Variants in ADGRL2 observed in about 807,000 individuals in gnomAD.
ADGRL2 encodes the protein calcium-independent alpha-latrotoxin receptor 2.
ADGRL2 carries 44 observed loss-of-function variants against 157.4 expected under a neutral mutation model. That is an observed-to-expected ratio of 0.28 (90% CI 0.22 to 0.36). The LOEUF is 0.36. Ranked by LOEUF, ADGRL2 falls within the 10% of genes least tolerant of loss-of-function variation. ADGRL2 has a pLI of 1.00. For synonymous variants in ADGRL2, 585 were observed against 624.7 expected, an observed-to-expected ratio of 0.94 and a Z score of 0.95; for missense variants, 1,510 against 1,768.9, an observed-to-expected ratio of 0.85 and a Z score of 2.63.
chr1:81,423,608 C>A (rs1487315853), intron 1 of ADGRL2, among the ~76,000 whole-genome samples: 2 of 152,250 alleles, frequency 1.3e-5, no homozygotes, highest in East Asian at 1.9e-4. Context: ...TTGTTCAGCC[C>A]ATTTTTCGAC....
chr1:81,627,493 A>G (rs1323305303), intron 3 of ADGRL2, among the ~76,000 whole-genome samples: 2 of 152,214 alleles, frequency 1.3e-5, no homozygotes, highest in African/African-American at 2.4e-5. Context: ...AGAGTTTACT[A>G]TGTGCCAAGT....
chr1:81,506,450 T>C (rs1377051205), intron 2 of ADGRL2, among the ~76,000 whole-genome samples: 2 of 152,128 alleles, frequency 1.3e-5, no homozygotes, highest in African/African-American at 2.4e-5. Context: ...GTATCAAACC[T>C]GTAATCCCAG....
intron 2 of ADGRL2, among the ~76,000 whole-genome samples, chr1:81,875,040 A>G (rs1230047952): frequency 6.6e-6 from 1 of 152,082 alleles, no homozygotes; most frequent in Non-Finnish European, 1.5e-5. Flanking sequence ...TTGTGCTGCC[A>G]GAGGAAAAAT....
intron 2 of ADGRL2, among the ~76,000 whole-genome samples, chr1:81,454,869 C>T (rs2077771689): frequency 6.6e-6 from 1 of 152,170 alleles, no homozygotes; most frequent in African/African-American, 2.4e-5. Context: ...ATTTTAAAGC[C>T]TGTGCCGTTC....
intron 2 of ADGRL2, among the ~76,000 whole-genome samples, chr1:81,539,540 G>A (rs2079831680): frequency 6.6e-6 from 1 of 152,146 alleles, no homozygotes; most frequent in Admixed American, 6.5e-5. Flanking sequence ...TCTTAGGACA[G>A]CATTTCACTT....
At chr1:81,644,188 C>T (rs917742903) in intron 3 of ADGRL2, among the ~76,000 whole-genome samples, 3 of 152,070 alleles carry the variant, frequency 2.0e-5, no homozygotes, top group African/African-American at 7.2e-5. Flanking sequence ...TAAATGTAAA[C>T]CCAGAGCATA....
At chr1:81,564,449 T>C (rs550987164) in intron 2 of ADGRL2, among the ~76,000 whole-genome samples, 16 of 152,202 alleles carry the variant, frequency 1.1e-4, no homozygotes, top group Admixed American at 5.9e-4. Flanking sequence ...CAGTTCCTCG[T>C]GGGTTGTTGG....
intron 1 of ADGRL2, among the ~76,000 whole-genome samples, chr1:81,347,626 A>G (rs1467662977): frequency 2.0e-5 from 3 of 152,214 alleles, no homozygotes; most frequent in African/African-American, 7.2e-5. Context: ...ATAAAAAGTG[A>G]AGAAGGAATT....
intron 3 of ADGRL2, among the ~76,000 whole-genome samples, chr1:81,652,259 T>C (rs2082436920): frequency 6.6e-6 from 1 of 152,224 alleles, no homozygotes. Context: ...GCTGAAAATA[T>C]TTAATTCTAT....
chr1:81,702,325 CT>C (rs1038201730), intron 1 of ADGRL2, among the ~76,000 whole-genome samples: 52 of 152,284 alleles, frequency 3.4e-4, no homozygotes, highest in African/African-American at 1.3e-3. Context: ...AGCATCACCC[CT>C]TCTTTCTAAA....
At chr1:81,909,889 C>G (rs1384375345) in intron 3 of ADGRL2, among the ~76,000 whole-genome samples, 1 of 151,938 alleles carries the variant, frequency 6.6e-6, no homozygotes, top group East Asian at 1.9e-4. Context: ...GTTGGAGGTA[C>G]TGTAGTTTGT....
At chr1:81,605,090 T>A (rs920400481) in intron 3 of ADGRL2, among the ~76,000 whole-genome samples, 1 of 152,148 alleles carries the variant, frequency 6.6e-6, no homozygotes, top group Non-Finnish European at 1.5e-5. Flanking sequence ...AACCTGAGGA[T>A]ATGATTTAGG....
At chr1:81,340,292 C>T (rs1451068123) in intron 1 of ADGRL2, among the ~76,000 whole-genome samples, 3 of 152,134 alleles carry the variant, frequency 2.0e-5, no homozygotes, top group African/African-American at 7.2e-5. Flanking sequence ...TATGCCTTTT[C>T]AATGTGTAAT....
At chr1:81,805,656 T>C (rs2149552370) in intron 1 of ADGRL2, among the ~76,000 whole-genome samples, 1 of 151,488 alleles carries the variant, frequency 6.6e-6, no homozygotes, top group East Asian at 1.9e-4. Context: ...TATCATTATA[T>C]CCTTACCCTG....
At chr1:81,402,577 T>C (rs989983241) in intron 1 of ADGRL2, among the ~76,000 whole-genome samples, 8 of 152,170 alleles carry the variant, frequency 5.3e-5, no homozygotes, top group African/African-American at 1.7e-4. Context: ...CTGCTACAAC[T>C]ACTGTGAAAA....
At chr1:81,350,723 T>C (rs895591673) in intron 1 of ADGRL2, among the ~76,000 whole-genome samples, 27 of 152,200 alleles carry the variant, frequency 1.8e-4, no homozygotes, top group Non-Finnish European at 8.8e-5. Flanking sequence ...CCTCACATTA[T>C]GCAATTTAAC....
intron 2 of ADGRL2, among the ~76,000 whole-genome samples, chr1:81,891,960 G>A (rs1442707069): frequency 3.0e-5 from 1 of 33,706 alleles, no homozygotes; most frequent in Non-Finnish European, 5.6e-5. Flanking sequence ...TGGCTAATAA[G>A]TGTGTGTGTG....
chr1:81,515,941 T>C (rs1377486309), intron 2 of ADGRL2, among the ~76,000 whole-genome samples: 1 of 152,218 alleles, frequency 6.6e-6, no homozygotes, highest in Non-Finnish European at 1.5e-5. Context: ...TTAAATCAAG[T>C]ATTCAAATAT....
upstream of ADGRL2, among the ~76,000 whole-genome samples, chr1:81,697,815 G>C (rs370954458): frequency 1.3e-5 from 2 of 152,168 alleles, no homozygotes; most frequent in East Asian, 3.8e-4. Context: ...CAAGCACTAA[G>C]AATAATAATG....
Sources: gnomAD v4.1 joint callset for allele counts (sites outside exome capture counted in the v4.1 genomes callset) on GRCh38, gnomAD v4.1.1 for gene constraint, MANE v1.5 for transcripts, NCBI Gene and HGNC (gene_info 2026-07-23, HGNC 2026-07-21) for gene names.